Variants in DGKI observed in about 807,000 individuals in gnomAD.
The protein encoded by DGKI is diacylglycerol kinase iota.
A neutral mutation model predicts 147.5 loss-of-function variants in DGKI; 55 were observed. That is an observed-to-expected ratio of 0.37 (90% CI 0.30 to 0.47). The LOEUF (loss-of-function observed/expected upper bound fraction) is 0.47. Among genes scored for constraint, DGKI ranks in the 20% least tolerant of loss-of-function variants. The probability of loss-of-function intolerance (pLI) is 1.00; values close to 1 mark genes in which losing one functional copy is unlikely to be tolerated. For missense variants in DGKI, 1,007 were observed against 1,323.8 expected, an observed-to-expected ratio of 0.76 and a Z score of 3.71; for synonymous variants, 469 against 477.1, an observed-to-expected ratio of 0.98 and a Z score of 0.22.
intron 19 of DGKI, among the ~76,000 whole-genome samples, chr7:137,553,157 A>G (rs1400854016): frequency 6.6e-6 from 1 of 152,240 alleles, no homozygotes; most frequent in Non-Finnish European, 1.5e-5. Flanking sequence ...TTAGTTTAAT[A>G]CAAAGCTTTT....
chr7:137,599,837 T>C lies in DGKI; in HGVS notation c.1236A>G (p.Glu412=), dbSNP rs750191359. Residue 412 remains glutamate, a synonymous_variant, in exon 11 of 33, where the codon GAA becomes GAG. Transcript: ENST00000614521. Reference sequence around the variant, plus strand: ...TCCAGACTTACGCATCTTTTGGCCCTTCCTGAGAAAGATCAAAGACTTGCC... The same window carrying C: ...TCCAGACTTACGCATCTTTTGGCCCCTCCTGAGAAAGATCAAAGACTTGCC... The part of the protein sequence containing the change: ...NPRQVFDLSQ[E]GPKDALELYR... 6.2e-7 allele frequency: 1 copy of C among 1,613,948 alleles called. No individual in the cohort carries two copies. Among genetic ancestry groups the C allele is most frequent in the Non-Finnish European group, 8.5e-7 (1 of 1,179,846 alleles).
intron 30 of DGKI, among the ~76,000 whole-genome samples, chr7:137,397,905 C>T (rs1233586915): frequency 6.6e-6 from 1 of 152,192 alleles, no homozygotes; most frequent in African/African-American, 2.4e-5. Context: ...AAATACTATG[C>T]ATATACATCA....
chr7:137,646,821 G>A (rs950870787), intron 5 of DGKI, among the ~76,000 whole-genome samples: 1 of 151,952 alleles, frequency 6.6e-6, no homozygotes, highest in African/African-American at 2.4e-5. Flanking sequence ...TCAGTGTAGA[G>A]GGAAAAAAGG....
At chr7:137,721,735 T>C (rs1794563189) in intron 1 of DGKI, among the ~76,000 whole-genome samples, 1 of 152,216 alleles carries the variant, frequency 6.6e-6, no homozygotes, top group Admixed American at 6.5e-5. Context: ...ACCAGGCCTA[T>C]ACAATCTGGC....
At chr7:137,530,217 G>A (rs1817291979) in intron 20 of DGKI, among the ~76,000 whole-genome samples, 1 of 151,994 alleles carries the variant, frequency 6.6e-6, no homozygotes, top group African/African-American at 2.4e-5. Flanking sequence ...TCACTTTTCA[G>A]TAGCCTTCCA....
chr7:137,844,071 G>A (rs778649221), intron 1 of DGKI, among the ~76,000 whole-genome samples: 52 of 152,108 alleles, frequency 3.4e-4, no homozygotes, highest in Non-Finnish European at 6.5e-4. Flanking sequence ...CCAAGGAGCC[G>A]ACCCTCAGCT....
At chr7:137,690,756 A>G (rs1231420805) in intron 1 of DGKI, among the ~76,000 whole-genome samples, 2 of 152,190 alleles carry the variant, frequency 1.3e-5, no homozygotes, top group Non-Finnish European at 2.9e-5. Flanking sequence ...AAATGAAACA[A>G]GAGGGGCTAC....
intron 1 of DGKI, among the ~76,000 whole-genome samples, chr7:137,805,365 C>T (rs866339752): frequency 5.0e-4 from 76 of 152,164 alleles, no homozygotes; most frequent in Middle Eastern, 3.2e-3. Context: ...AGAAAGAATG[C>T]CTACCATCCC....
intron 1 of DGKI, among the ~76,000 whole-genome samples, chr7:137,723,699 CTTTTTTTTTTTT>C (rs769605042): frequency 2.9e-5 from 3 of 104,436 alleles, no homozygotes; most frequent in Admixed American, 1.1e-4. Context: ...CATGATATCC[CTTTTTTTTTTTT>C]TTTTTTTTTT....
At chr7:137,678,472 C>G in intron 3 of DGKI, 85 bp downstream of exon 3, 1 of 1,336,984 alleles carries the variant, frequency 7.5e-7, no homozygotes, top group East Asian at 2.3e-5. Context: ...TCGTTCAAAC[C>G]TCCCCTTGGA....
chr7:137,836,149 C>T (rs1205121089), intron 1 of DGKI, among the ~76,000 whole-genome samples: 2 of 152,104 alleles, frequency 1.3e-5, no homozygotes, highest in Non-Finnish European at 1.5e-5. Context: ...AAAAAAATCC[C>T]TTAGACTTTG....
intron 12 of DGKI, among the ~76,000 whole-genome samples, chr7:137,596,030 A>AAAAAAAG (rs1819784811): frequency 2.3e-5 from 3 of 132,864 alleles, no homozygotes; most frequent in East Asian, 4.2e-4. Context: ...AAAAAAAAAA[A>AAAAAAAG]AAAGAAAGAA....
At chr7:137,631,768 T>C (rs1821129304) in intron 6 of DGKI, among the ~76,000 whole-genome samples, 1 of 151,390 alleles carries the variant, frequency 6.6e-6, no homozygotes, top group African/African-American at 2.4e-5. Context: ...AAAGTAAAAA[T>C]GCCTGAATTG....
chr7:137,516,341 C>A (rs1468737091), intron 21 of DGKI, among the ~76,000 whole-genome samples: 1 of 152,016 alleles, frequency 6.6e-6, no homozygotes, highest in African/African-American at 2.4e-5. Context: ...TAAGAAATGT[C>A]TAGTTTAACT....
intron 1 of DGKI, among the ~76,000 whole-genome samples, chr7:137,832,164 G>T (rs1230502872): frequency 6.6e-6 from 1 of 152,338 alleles, no homozygotes. Context: ...AGTGCAAGCT[G>T]TCGGTGGAAC....
At chr7:137,803,542 T>A (rs1310475250) in intron 1 of DGKI, among the ~76,000 whole-genome samples, 1 of 152,228 alleles carries the variant, frequency 6.6e-6, no homozygotes, top group African/African-American at 2.4e-5. Context: ...TATTTTTCTT[T>A]ATGATGTCTA....
At chr7:137,754,138 T>C (rs1795607565) in intron 1 of DGKI, among the ~76,000 whole-genome samples, 1 of 152,170 alleles carries the variant, frequency 6.6e-6, no homozygotes, top group South Asian at 2.1e-4. Flanking sequence ...GGTGCACTGC[T>C]GCTGCCAGGA....
At chr7:137,691,411 C>T (rs551363225) in intron 1 of DGKI, among the ~76,000 whole-genome samples, 10 of 152,306 alleles carry the variant, frequency 6.6e-5, no homozygotes, top group East Asian at 5.8e-4. Context: ...CCCAGATCCT[C>T]AGACTTCTCA....
chr7:137,438,435 T>C (rs970807170), intron 28 of DGKI, among the ~76,000 whole-genome samples: 3 of 152,082 alleles, frequency 2.0e-5, no homozygotes, highest in Non-Finnish European at 4.4e-5. Context: ...ATATCAAGTG[T>C]TGGTGAGGAT....
Sources: allele counts gnomAD v4.1 joint callset (sites outside exome capture counted in the v4.1 genomes callset), GRCh38; gene constraint gnomAD v4.1.1; transcripts MANE v1.5; gene names NCBI Gene and HGNC (gene_info 2026-07-23, HGNC 2026-07-21).